The following YEATS4 variants were observed in gnomAD, a reference collection of about 807,000 sequenced individuals.
YEATS4 encodes the protein YEATS domain containing 4.
In YEATS4, 17 loss-of-function variants were observed where a neutral mutation model predicts 30.1. The observed-to-expected ratio is 0.56, with a 90% CI of 0.39 to 0.85. YEATS4 has a LOEUF of 0.85. Among genes scored for constraint, YEATS4 ranks in the 40% least tolerant of loss-of-function variants. The pLI, the probability that YEATS4 is intolerant of heterozygous loss-of-function variation, is 0.00. For synonymous variants in YEATS4, 85 were observed against 87.5 expected, an observed-to-expected ratio of 0.97 and a Z score of 0.16; for missense variants, 142 against 268.3, an observed-to-expected ratio of 0.53 and a Z score of 3.29.
At chr12:69,378,652 A>G (rs1272739047) in intron 6 of YEATS4, among the ~76,000 whole-genome samples, 1 of 152,220 alleles carries the variant, frequency 6.6e-6, no homozygotes, top group Admixed American at 6.5e-5. Context: ...AAAAGAAAGC[A>G]ATAAACACTT....
the YEATS4 span, among the ~76,000 whole-genome samples, chr12:69,420,415 G>C: frequency 2.0e-5 from 3 of 150,986 alleles, no homozygotes; most frequent in South Asian, 2.2e-4. Context: ...TAGGGGGAGG[G>C]GGACAGAGGC....
At position 69,359,750 on chromosome 12, in the gene YEATS4, C is replaced by T; in HGVS notation, c.-223C>T. 1 of 554,220 alleles carries T rather than the reference C, an allele frequency of 1.8e-6. No homozygotes were observed. Among genetic ancestry groups the T allele is most frequent in the Non-Finnish European group, 3.1e-6 (1 of 318,140 alleles). 34.3% of individuals were successfully genotyped at this position (554,220 alleles called of 1,614,324 possible). ...GCGGTGCGGCCGTCGCCCCTCTTTT[C>T]GCGGCGTTCTCCACCTGCGCGGGCC... On this transcript the variant is annotated 5_prime_UTR_variant, in exon 1 of 7. Coordinates refer to ENST00000247843, the MANE Select transcript of YEATS4 (RefSeq NM_006530.4).
the YEATS4 span, among the ~76,000 whole-genome samples, chr12:69,419,564 G>C: frequency 2.0e-5 from 3 of 152,060 alleles, no homozygotes; most frequent in Non-Finnish European, 4.4e-5. Flanking sequence ...TTTTCATTAG[G>C]TTGAATCAAG....
At chr12:69,361,893 A>G (rs916020348) in intron 1 of YEATS4, among the ~76,000 whole-genome samples, 7 of 151,866 alleles carry the variant, frequency 4.6e-5, no homozygotes, top group Non-Finnish European at 2.9e-5. Context: ...ACTCTTGGCC[A>G]TTTTTGCCAT....
At chr12:69,367,311 C>T (rs1875472662) in intron 4 of YEATS4, among the ~76,000 whole-genome samples, 1 of 152,110 alleles carries the variant, frequency 6.6e-6, no homozygotes, top group South Asian at 2.1e-4. Flanking sequence ...TTTTAGATCT[C>T]CTACCATCTG....
At chr12:69,375,063 G>C (rs536710555) in intron 6 of YEATS4, among the ~76,000 whole-genome samples, 2 of 149,584 alleles carry the variant, frequency 1.3e-5, no homozygotes, top group Non-Finnish European at 3.0e-5. Context: ...CCCACCTCCC[G>C]GAGGGGGCGG....
At chr12:69,390,095 T>C in intron 6 of YEATS4, 52 bp from the exon 7 acceptor site, 1 of 1,428,394 alleles carries the variant, frequency 7.0e-7, no homozygotes, top group African/African-American at 1.5e-5. Flanking sequence ...CCCTGTCATA[T>C]ATCTTAAACA....
At chr12:69,377,536 T>C (rs1428198673) in intron 6 of YEATS4, among the ~76,000 whole-genome samples, 5 of 152,144 alleles carry the variant, frequency 3.3e-5, no homozygotes, top group Admixed American at 6.5e-5. Flanking sequence ...GCTGGGATTA[T>C]AGGTGTGAGC....
At chr12:69,398,686 G>A in the YEATS4 span, among the ~76,000 whole-genome samples, 1 of 151,594 alleles carries the variant, frequency 6.6e-6, no homozygotes, top group Non-Finnish European at 1.5e-5. Context: ...ATGGTGGTGT[G>A]CACCTGTAGT....
In YEATS4 at chr12:69,363,276, A is replaced by C. The variant is rs1027002939; in HGVS notation, c.171+369A>C. ...CCAAAGTGCTGGGATTACAGGCGTG[A>C]GCCACCGCGCCCGGCCGACAACCTG... On this transcript the variant is annotated intron_variant, in intron 2 of 6. Coordinates refer to ENST00000247843, the MANE Select transcript of YEATS4 (RefSeq NM_006530.4). Among the ~76,000 whole-genome samples, 4 of 151,976 alleles carry C rather than the reference A, an allele frequency of 2.6e-5. No individual in the cohort carries two copies. In the South Asian group the frequency reaches 6.2e-4, roughly 24 times the overall value.
chr12:69,386,642 A>G (rs527529216), intron 6 of YEATS4, among the ~76,000 whole-genome samples: 1 of 152,242 alleles, frequency 6.6e-6, no homozygotes, highest in South Asian at 2.1e-4. Context: ...TTTTAAATTG[A>G]TGTGGGGAGA....
the YEATS4 span, among the ~76,000 whole-genome samples, chr12:69,400,142 G>A: frequency 6.6e-6 from 1 of 151,436 alleles, no homozygotes; most frequent in Admixed American, 6.6e-5. Flanking sequence ...AAAAAAAAAA[G>A]CTTAGTGTTA....
At chr12:69,365,109 C>T (rs1305136619) in intron 2 of YEATS4, among the ~76,000 whole-genome samples, 1 of 151,714 alleles carries the variant, frequency 6.6e-6, no homozygotes, top group Non-Finnish European at 1.5e-5. Flanking sequence ...CTATACATTA[C>T]AAATCATAAA....
chr12:69,394,696 C>G (rs746686841), downstream of YEATS4, among the ~76,000 whole-genome samples: 10 of 152,052 alleles, frequency 6.6e-5, no homozygotes, highest in African/African-American at 1.7e-4. Flanking sequence ...CAGCCTTGAC[C>G]TTTCTGGCTC....
chr12:69,380,057 T>C (rs1876015454), intron 6 of YEATS4, among the ~76,000 whole-genome samples: 1 of 152,252 alleles, frequency 6.6e-6, no homozygotes, highest in African/African-American at 2.4e-5. Flanking sequence ...GTTATCTTTC[T>C]GAAAGGTCAC....
At chr12:69,425,935 T>C in the YEATS4 span, among the ~76,000 whole-genome samples, 1 of 152,356 alleles carries the variant, frequency 6.6e-6, no homozygotes, top group Non-Finnish European at 1.5e-5. Flanking sequence ...CCTGGAATTG[T>C]ACTCCCTTCC....
intron 6 of YEATS4, among the ~76,000 whole-genome samples, chr12:69,376,078 A>C (rs1008960047): frequency 7.2e-5 from 11 of 152,098 alleles, no homozygotes; most frequent in African/African-American, 2.7e-4. Context: ...ATATAATATC[A>C]TCTACAGGCT....
the YEATS4 span, among the ~76,000 whole-genome samples, chr12:69,416,509 C>A: frequency 6.6e-6 from 1 of 152,134 alleles, no homozygotes; most frequent in Non-Finnish European, 1.5e-5. Flanking sequence ...TGGTGCTTAT[C>A]AGTGTGCAGA....
rs576248906 is a variant in YEATS4, at chr12:69,363,917, G to A, written c.171+1010G>A. Among the ~76,000 whole-genome samples the A allele has an allele frequency of 4.2e-4, 64 of 152,322 alleles. No individual in the cohort carries two copies. The South Asian group carries it at 0.011, about 26-fold the overall frequency. On this transcript the variant is annotated intron_variant, in intron 2 of 6. Coordinates refer to ENST00000247843, the MANE Select transcript of YEATS4 (RefSeq NM_006530.4). ...AAAGTAAAGATGCTACTACATGGATGAAACTTGAAAGCATTATGCTAAGTA... is the reference window on the plus strand; with the variant it reads ...AAAGTAAAGATGCTACTACATGGATAAAACTTGAAAGCATTATGCTAAGTA...
Sources: gnomAD v4.1 joint callset for allele counts (sites outside exome capture counted in the v4.1 genomes callset) on GRCh38, gnomAD v4.1.1 for gene constraint, MANE v1.5 for transcripts, NCBI Gene and HGNC (gene_info 2026-07-23, HGNC 2026-07-21) for gene names.